The following PTPRD variants were observed in gnomAD, a reference collection of about 807,000 sequenced individuals.
PTPRD encodes protein tyrosine phosphatase receptor type D.
In PTPRD, 34 loss-of-function variants were observed where a neutral mutation model predicts 214.5. That is an observed-to-expected ratio of 0.16 (90% confidence interval 0.12 to 0.21). The LOEUF is 0.21. Ranked by LOEUF, PTPRD falls within the 10% of genes least tolerant of loss-of-function variation. PTPRD has a pLI of 1.00. For missense variants in PTPRD, 2,545 were observed against 2,398.7 expected, an observed-to-expected ratio of 1.06 and a Z score of -1.27; for synonymous variants, 1,128 against 845.7, an observed-to-expected ratio of 1.33 and a Z score of -5.79.
At chr9:9,181,254 G>A (rs921360812) in intron 10 of PTPRD, among the ~76,000 whole-genome samples, 2 of 151,980 alleles carry the variant, frequency 1.3e-5, no homozygotes, top group South Asian at 2.1e-4. Flanking sequence ...TTGTAATGAG[G>A]TGCAGCTGAT....
chr9:8,542,952 T>C (rs1453197810), intron 14 of PTPRD, among the ~76,000 whole-genome samples: 1 of 152,172 alleles, frequency 6.6e-6, no homozygotes, highest in African/African-American at 2.4e-5. Flanking sequence ...GCAAGGGTAG[T>C]TTCTCCCTAG....
At chr9:8,962,602 C>T (rs1464445876) in intron 11 of PTPRD, among the ~76,000 whole-genome samples, 1 of 151,806 alleles carries the variant, frequency 6.6e-6, no homozygotes, top group Non-Finnish European at 1.5e-5. Flanking sequence ...TCAAGGGTGT[C>T]CATGTAAAAA....
At chr9:8,966,967 C>A (rs377759595) in intron 11 of PTPRD, among the ~76,000 whole-genome samples, 4 of 151,696 alleles carry the variant, frequency 2.6e-5, no homozygotes, top group South Asian at 4.1e-4. Flanking sequence ...TAAATAAGCC[C>A]ATGAAAAAAT....
chr9:8,924,140 C>T (rs542533556), intron 11 of PTPRD, among the ~76,000 whole-genome samples: 1 of 151,938 alleles, frequency 6.6e-6, no homozygotes, highest in African/African-American at 2.4e-5. Flanking sequence ...AAATCCAGCA[C>T]TCACTCATCA....
intron 3 of PTPRD, among the ~76,000 whole-genome samples, chr9:10,185,838 A>G (rs2099327974): frequency 6.6e-6 from 1 of 152,096 alleles, no homozygotes; most frequent in Non-Finnish European, 1.5e-5. Flanking sequence ...CTATCATAAT[A>G]TGATGCAGGA....
intron 12 of PTPRD, among the ~76,000 whole-genome samples, chr9:8,731,204 A>C (rs1480119687): frequency 1.3e-5 from 2 of 152,188 alleles, no homozygotes; most frequent in African/African-American, 4.8e-5. Flanking sequence ...TAATCATTTC[A>C]AAAGAGAGTG....
chr9:9,318,348 T>G (rs1248284136), intron 9 of PTPRD, among the ~76,000 whole-genome samples: 1 of 152,092 alleles, frequency 6.6e-6, no homozygotes, highest in Non-Finnish European at 1.5e-5. Flanking sequence ...AGGAAAGTAG[T>G]GAACTTCTTT....
chr9:10,190,589 G>T (rs978085570), intron 3 of PTPRD, among the ~76,000 whole-genome samples: 1 of 150,628 alleles, frequency 6.6e-6, no homozygotes, highest in Admixed American at 6.6e-5. Context: ...GTGATGGTGG[G>T]CGCCTGTAAT....
chr9:8,377,583 A>G (rs904145343), intron 37 of PTPRD, among the ~76,000 whole-genome samples: 2 of 152,072 alleles, frequency 1.3e-5, no homozygotes, highest in Non-Finnish European at 2.9e-5. Flanking sequence ...AGATCTGACT[A>G]TATTTACCCT....
chr9:9,589,685 T>A (rs982034467), intron 7 of PTPRD, among the ~76,000 whole-genome samples: 6 of 151,994 alleles, frequency 3.9e-5, no homozygotes, highest in African/African-American at 1.4e-4. Flanking sequence ...TGCCATGGAT[T>A]ATAAGACAAC....
intron 8 of PTPRD, among the ~76,000 whole-genome samples, chr9:9,551,686 G>A (rs777277119): frequency 4.5e-4 from 69 of 151,832 alleles, no homozygotes; most frequent in Admixed American, 1.1e-3. Context: ...CATTTTAATG[G>A]TGAATTAGTA....
At chr9:10,274,023 T>G (rs7851534) in intron 3 of PTPRD, among the ~76,000 whole-genome samples, 26,015 of 152,054 alleles carry the variant, frequency 0.17, 2,332 homozygotes, top group African/African-American at 0.21. Flanking sequence ...TGTATCCTCC[T>G]AACAGAATTT....
At chr9:8,847,635 C>G (rs1817207388) in intron 11 of PTPRD, among the ~76,000 whole-genome samples, 1 of 151,984 alleles carries the variant, frequency 6.6e-6, no homozygotes, top group Non-Finnish European at 1.5e-5. Context: ...AAATAATTTT[C>G]CAAATCATCA....
intron 7 of PTPRD, among the ~76,000 whole-genome samples, chr9:9,725,961 A>C (rs2098082877): frequency 6.6e-6 from 1 of 152,150 alleles, no homozygotes; most frequent in Non-Finnish European, 1.5e-5. Flanking sequence ...TGTAAAAGAC[A>C]AGACAAATCC....
chr9:9,927,875 C>T (rs143700772), intron 5 of PTPRD, among the ~76,000 whole-genome samples: 21 of 152,094 alleles, frequency 1.4e-4, no homozygotes, highest in Non-Finnish European at 2.8e-4. Context: ...ATAAAGGACA[C>T]GGGAAGAAAA....
chr9:9,478,146 T>C (rs2095201924), intron 8 of PTPRD, among the ~76,000 whole-genome samples: 1 of 152,198 alleles, frequency 6.6e-6, no homozygotes. Flanking sequence ...TGTTACAGTT[T>C]TAGCAATAAG....
At chr9:10,523,473 A>G (rs1269054211) in intron 2 of PTPRD, among the ~76,000 whole-genome samples, 1 of 151,542 alleles carries the variant, frequency 6.6e-6, no homozygotes, top group Non-Finnish European at 1.5e-5. Flanking sequence ...CTGCAATCAT[A>G]ATGAAGGCAT....
chr9:8,777,758 T>G (rs1259052945), intron 11 of PTPRD, among the ~76,000 whole-genome samples: 1 of 152,208 alleles, frequency 6.6e-6, no homozygotes, highest in African/African-American at 2.4e-5. Flanking sequence ...ACTTCCTGAT[T>G]TATGCAGTCC....
chr9:8,500,330 A>G (rs2097367215), intron 24 of PTPRD, among the ~76,000 whole-genome samples: 1 of 151,856 alleles, frequency 6.6e-6, no homozygotes, highest in African/African-American at 2.4e-5. Context: ...CAAAAATTCA[A>G]TGTTGAGCAT....
Sources: gnomAD v4.1 joint callset for allele counts (sites outside exome capture counted in the v4.1 genomes callset) on GRCh38, gnomAD v4.1.1 for gene constraint, MANE v1.5 for transcripts, NCBI Gene and HGNC (gene_info 2026-07-23, HGNC 2026-07-21) for gene names.